Variants in ZNF487 observed in about 807,000 individuals in gnomAD.
ZNF487 encodes KRAB domain only 1.
ZNF487 carries 4 observed loss-of-function variants against 3.0 expected under a neutral mutation model. The ratio of observed to expected loss-of-function variants is 1.35; its 90% CI spans 0.66 to 3.08. The LOEUF is 3.08. Among genes scored for constraint, ZNF487 ranks in the 30% most tolerant of loss-of-function variants. The pLI is 0.01. For synonymous variants in ZNF487, 55 were observed against 34.6 expected (o/e 1.59, Z -2.06); for missense variants, 146 against 98.7 (o/e 1.48, Z -2.03).
chr10:43,487,805 C>A (rs1013654232), downstream of ZNF487, among the ~76,000 whole-genome samples: 8 of 151,760 alleles, frequency 5.3e-5, no homozygotes, highest in Non-Finnish European at 8.8e-5. Flanking sequence ...AATTTTGAGG[C>A]CGGGCGCAGT....
the ZNF487 span, among the ~76,000 whole-genome samples, chr10:43,491,497 C>T: frequency 2.0e-5 from 3 of 151,556 alleles, no homozygotes; most frequent in African/African-American, 7.3e-5. Flanking sequence ...AGCTTCATTA[C>T]GGGCTTCCCT....
chr10:43,491,262 C>T, the ZNF487 span, among the ~76,000 whole-genome samples: 21 of 151,884 alleles, frequency 1.4e-4, no homozygotes, highest in African/African-American at 2.2e-4. Flanking sequence ...GCCTCTACTT[C>T]GTTTTTTATT....
At chr10:43,474,517 A>C (rs1465383625) in intron 1 of ZNF487, among the ~76,000 whole-genome samples, 1 of 152,100 alleles carries the variant, frequency 6.6e-6, no homozygotes. Context: ...GTGTGCAATG[A>C]TCATGCCTGT....
chr10:43,480,695 C>T (rs902304436), intron 3 of ZNF487, among the ~76,000 whole-genome samples: 4 of 149,654 alleles, frequency 2.7e-5, no homozygotes, highest in East Asian at 1.9e-4. Context: ...GGATTACAGG[C>T]GTGAGCCACT....
the ZNF487 span, among the ~76,000 whole-genome samples, chr10:43,498,344 T>A: frequency 6.7e-6 from 1 of 148,254 alleles, no homozygotes; most frequent in East Asian, 2.1e-4. Context: ...AGTGGCATGA[T>A]CTCGGCTCAC....
chr10:43,465,061 C>T (rs551695449), intron 1 of ZNF487, among the ~76,000 whole-genome samples: 85 of 147,396 alleles, frequency 5.8e-4, no homozygotes, highest in Non-Finnish European at 9.5e-4. Context: ...CCCCCCCCAC[C>T]TCCCTCCCGG....
At chr10:43,469,512 T>A (rs59812622) in intron 1 of ZNF487, among the ~76,000 whole-genome samples, 5,141 of 152,100 alleles carry the variant, frequency 0.034, 205 homozygotes, top group African/African-American at 0.094. Flanking sequence ...TTATTTATTT[T>A]TTTAAATAAA....
At chr10:43,444,337 G>A (rs1048119988) in intron 1 of ZNF487, among the ~76,000 whole-genome samples, 1 of 152,108 alleles carries the variant, frequency 6.6e-6, no homozygotes, top group African/African-American at 2.4e-5. Context: ...CGTTCTTTGA[G>A]TTCCAAGATC....
At chr10:43,490,407 C>T in the ZNF487 span, among the ~76,000 whole-genome samples, 138 of 151,578 alleles carry the variant, frequency 9.1e-4, no homozygotes, top group Middle Eastern at 0.02. Flanking sequence ...CAGATTTTCT[C>T]CCATTTCTTC....
At chr10:43,510,086 C>G in the ZNF487 span, among the ~76,000 whole-genome samples, 1 of 152,082 alleles carries the variant, frequency 6.6e-6, no homozygotes, top group Admixed American at 6.6e-5. Context: ...AATCTTATGT[C>G]ACATGATAAA....
chr10:43,462,178 T>A (rs1353082000), intron 1 of ZNF487, among the ~76,000 whole-genome samples: 1 of 152,116 alleles, frequency 6.6e-6, no homozygotes, highest in Non-Finnish European at 1.5e-5. Flanking sequence ...TGAGATGGAG[T>A]CTTGCTCTGT....
intron 1 of ZNF487, among the ~76,000 whole-genome samples, chr10:43,465,313 G>A (rs868600259): frequency 6.6e-6 from 1 of 151,672 alleles, no homozygotes; most frequent in African/African-American, 2.4e-5. Context: ...CTCCCGGACC[G>A]GGTGGCTGCC....
the ZNF487 span, among the ~76,000 whole-genome samples, chr10:43,491,998 A>G: frequency 6.6e-6 from 1 of 151,630 alleles, no homozygotes; most frequent in Non-Finnish European, 1.5e-5. Flanking sequence ...CAATGGTGTG[A>G]TCACGGCTCA....
At chr10:43,475,394 T>A (rs958929872) in intron 1 of ZNF487, among the ~76,000 whole-genome samples, 3 of 151,890 alleles carry the variant, frequency 2.0e-5, no homozygotes, top group African/African-American at 7.3e-5. Context: ...GCGTGCCTGT[T>A]GTCCCAGCTA....
chr10:43,439,574 G>A (rs1454701577), intron 1 of ZNF487, among the ~76,000 whole-genome samples: 1 of 151,768 alleles, frequency 6.6e-6, no homozygotes, highest in African/African-American at 2.4e-5. Context: ...ATGGTGGTGG[G>A]CGCCTGTAAT....
chr10:43,447,873 T>G (rs528237115), intron 1 of ZNF487, among the ~76,000 whole-genome samples: 31 of 152,272 alleles, frequency 2.0e-4, no homozygotes, highest in South Asian at 8.3e-4. Flanking sequence ...TTGTAGCACA[T>G]TCTACAAACT....
At chr10:43,445,030 AT>A (rs572130366) in intron 1 of ZNF487, among the ~76,000 whole-genome samples, 120 of 150,360 alleles carry the variant, frequency 8.0e-4, no homozygotes, top group African/African-American at 2.8e-3. Flanking sequence ...ATTGTTTTGG[AT>A]TTTTTTTTCA....
chr10:43,456,539 C>T (rs138486233), intron 1 of ZNF487, among the ~76,000 whole-genome samples: 1 of 152,138 alleles, frequency 6.6e-6, no homozygotes, highest in Non-Finnish European at 1.5e-5. Flanking sequence ...GTTGAGAGAA[C>T]CTGGTTGGGA....
the ZNF487 span, among the ~76,000 whole-genome samples, chr10:43,498,000 ATG>A: frequency 1.8e-5 from 2 of 111,174 alleles, no homozygotes; most frequent in African/African-American, 6.2e-5. Flanking sequence ...ATATATATAT[ATG>A]TATATGGAGA....
Sources: allele counts gnomAD v4.1 joint callset (sites outside exome capture counted in the v4.1 genomes callset), GRCh38; gene constraint gnomAD v4.1.1; transcripts MANE v1.5; gene names NCBI Gene and HGNC (gene_info 2026-07-23, HGNC 2026-07-21).